The following MYO9A variants were observed in gnomAD, a reference collection of about 807,000 sequenced individuals.
MYO9A encodes unconventional myosin-IXa.
In MYO9A, 103 loss-of-function variants were observed where a neutral mutation model predicts 293.3. The observed-to-expected ratio is 0.35, with a 90% confidence interval of 0.30 to 0.41. The LOEUF (loss-of-function observed/expected upper bound fraction) is 0.41, where lower values mean the gene tolerates loss of function less well. Ranked by LOEUF, MYO9A falls within the 10% of genes least tolerant of loss-of-function variation. MYO9A has a pLI of 1.00. For missense variants in MYO9A, 2,685 were observed against 3,033.0 expected, an observed-to-expected ratio of 0.89 and a Z score of 2.69; for synonymous variants, 1,001 against 1,035.7, an observed-to-expected ratio of 0.97 and a Z score of 0.64.
intron 1 of MYO9A, among the ~76,000 whole-genome samples, chr15:72,065,794 A>C (rs2079005237): frequency 6.6e-6 from 1 of 152,198 alleles, no homozygotes; most frequent in Non-Finnish European, 1.5e-5. Context: ...AAAAGACTTA[A>C]ACAGATTATT....
At chr15:71,938,737 TA>T (rs887467124) in intron 16 of MYO9A, 114 bp downstream of exon 16, 4 of 867,160 alleles carry the variant, frequency 4.6e-6, no homozygotes, top group African/African-American at 1.7e-5. Context: ...ATTCAAGAAA[TA>T]AAAAAACAAA....
chr15:72,117,603 G>T (rs892571499), intron 1 of MYO9A, 77 bp downstream of exon 1: 60 of 389,798 alleles, frequency 1.5e-4, no homozygotes, highest in Non-Finnish European at 2.4e-4. Flanking sequence ...GGGGCGGCCC[G>T]ACCGGAGCCA....
In MYO9A at chr15:72,007,925, T is replaced by C. The variant is rs1214292500; in HGVS notation, c.1281A>G (p.Leu427=). The C allele has an allele frequency of 1.9e-6, 3 of 1,612,820 alleles. No homozygotes were observed. The highest frequency in any genetic ancestry group is 1.7e-5 in the Admixed American group (1 of 59,878). Residue 427 remains leucine, a synonymous_variant, in exon 8 of 42, where the codon CTA becomes CTG. Coordinates refer to ENST00000356056, the MANE Select transcript of MYO9A (RefSeq NM_006901.4). ...TTTTGTAACAGATATTACCCAAATG[T>C]AGTATGGCTGAGAGAAGAGAGAAAA... ...RQIFSLLSAI[L]HLGNICYKKK...
At chr15:72,080,553 G>A (rs2150361488) in intron 1 of MYO9A, among the ~76,000 whole-genome samples, 1 of 151,882 alleles carries the variant, frequency 6.6e-6, no homozygotes, top group East Asian at 1.9e-4. Context: ...GATCCTCCCA[G>A]TAAGCTACTT....
chr15:72,042,397 G>C (rs2078254709), intron 2 of MYO9A, among the ~76,000 whole-genome samples: 1 of 151,862 alleles, frequency 6.6e-6, no homozygotes, highest in Non-Finnish European at 1.5e-5. Flanking sequence ...CATTAACAAA[G>C]TTTAAAATAT....
chr15:71,903,149 T>C lies in MYO9A; in HGVS notation c.2878-86A>G, dbSNP rs968877582. 6 of 1,162,204 alleles carry C rather than the reference T, an allele frequency of 5.2e-6. No homozygotes were observed. The Admixed American group carries it at 7.6e-5, about 15-fold the overall frequency. 72.0% of individuals were successfully genotyped at this position (1,162,204 alleles called of 1,614,324 possible). A position where few individuals can be genotyped will look rare whatever the true frequency, so the allele number is the denominator to read the frequency against. On this transcript the variant is annotated intron_variant, in intron 21 of 41. Transcript: ENST00000356056. ...AACTAATTATCATTCTATTAATCTT[T>C]TCTCTTTCTTTTAAACAGGGTGAAA...
chr15:71,852,354 T>C, intron 35 of MYO9A, 94 bp from the exon 36 acceptor site: 1 of 1,156,580 alleles, frequency 8.6e-7, no homozygotes, highest in Non-Finnish European at 1.2e-6. Context: ...AAGGAAGGCT[T>C]CATGTTTCTT....
rs116083708 is a variant in MYO9A, at chr15:71,951,636, T to A, written c.2302+141A>T. 40 of 884,738 alleles carry A rather than the reference T, an allele frequency of 4.5e-5. No homozygotes were observed. In the African/African-American group the frequency reaches 5.3e-4, roughly 12 times the overall value. The allele number at this position is 884,738 out of a possible 1,614,324, so 54.8% of individuals were successfully genotyped here. ...TCAAAAGAAAGTACTAAAGACTCAA[T>A]AGAAATATTCAAAGACTGCTCAGAG... On this transcript the variant is annotated intron_variant, in intron 15 of 41. Coordinates refer to ENST00000356056, the MANE Select transcript of MYO9A (RefSeq NM_006901.4).
At chr15:71,956,563 T>G (rs1417688741) in intron 14 of MYO9A, among the ~76,000 whole-genome samples, 1 of 149,814 alleles carries the variant, frequency 6.7e-6, no homozygotes, top group Non-Finnish European at 1.5e-5. Flanking sequence ...AGAGAATCGC[T>G]TGAACCTGGG....
At chr15:71,970,934 G>A (rs911815994) in intron 12 of MYO9A, among the ~76,000 whole-genome samples, 20 of 151,870 alleles carry the variant, frequency 1.3e-4, no homozygotes, top group Non-Finnish European at 2.8e-4. Context: ...TGAGGCGGGT[G>A]GATCACAAGG....
rs1430486879 is a variant in MYO9A at position 71,921,297 on chromosome 15, C to G, written c.2563-4805G>C. 5.3e-5 allele frequency among the ~76,000 whole-genome samples: 8 copies of G among 152,206 alleles called. No homozygotes were observed. In the East Asian group the frequency reaches 1.5e-3, roughly 29 times the overall value. The stretch of plus-strand genomic sequence containing the variant: ...GCTTGTCTGAAGCAAACTAGGCTAA[C>G]TTGTTATCCAAAAGGGAAGAGCTGT... On this transcript the variant is annotated intron_variant, in intron 18 of 41. Coordinates refer to ENST00000356056, the MANE Select transcript of MYO9A (RefSeq NM_006901.4).
chr15:71,916,779 A>G (rs1327595460), intron 18 of MYO9A, among the ~76,000 whole-genome samples: 1 of 152,246 alleles, frequency 6.6e-6, no homozygotes, highest in Non-Finnish European at 1.5e-5. Context: ...GGAAGGTATA[A>G]CTGAGGCAGA....
chr15:72,104,404 G>T (rs1027274984), intron 1 of MYO9A, among the ~76,000 whole-genome samples: 1 of 152,204 alleles, frequency 6.6e-6, no homozygotes, highest in African/African-American at 2.4e-5. Context: ...GTATATGAAT[G>T]AAAAGGAAAA....
intron 11 of MYO9A, among the ~76,000 whole-genome samples, chr15:71,981,285 C>A (rs1596318213): frequency 6.6e-6 from 1 of 152,248 alleles, no homozygotes; most frequent in East Asian, 1.9e-4. Context: ...TCATTGTTAT[C>A]CTGGCCCCCT....
At chr15:71,978,315 TAACAA>T in intron 11 of MYO9A, 23 bp from the exon 12 acceptor site, 1 of 1,582,970 alleles carries the variant, frequency 6.3e-7, no homozygotes, top group Non-Finnish European at 8.6e-7. Context: ...AAAAATAAAA[TAACAA>T]TTTATTCATC....
chr15:71,898,795 C>G lies in MYO9A; in HGVS notation c.3708G>C (p.Glu1236Asp), dbSNP rs751730522. The G allele has an allele frequency of 1.9e-6, 3 of 1,614,176 alleles. No individual in the cohort carries two copies. The highest frequency in any genetic ancestry group is 2.5e-6 in the Non-Finnish European group (3 of 1,180,038). ...CCACACCACTCTGGCTTTGGGCTCT[C>G]TCCTGCTGCTTGTTTGGTGACTCCT... The part of the protein sequence containing the change: ...CLKESPNKQQ[E>D]RAQSQSGVDL... Residue 1236 changes from glutamate (E) to aspartate (D), a missense_variant, in exon 25 of 42, where the codon GAG becomes GAC. Transcript: ENST00000356056.
rs375590608 is a variant in MYO9A, at chr15:71,901,159, C to T, written c.3150+32G>A. On this transcript the variant is annotated intron_variant, in intron 23 of 41. Coordinates refer to ENST00000356056, the MANE Select transcript of MYO9A (RefSeq NM_006901.4). ...CTAAACAAAGGCCAAATAAACTAGT[C>T]AATCTCATGCAAAGAATCCTTTGCT... The T allele has an allele frequency of 2.0e-5, 31 of 1,589,110 alleles. No homozygotes were observed. In the Admixed American group the frequency reaches 4.2e-4, roughly 21 times the overall value.
At position 72,051,065 on chromosome 15, in the gene MYO9A, A is replaced by T. The variant is rs1054503956; in HGVS notation, c.-71-4431T>A. Among the ~76,000 whole-genome samples, 4 of 151,782 alleles carry T rather than the reference A, an allele frequency of 2.6e-5. No homozygotes were observed. The East Asian group carries it at 5.8e-4, about 22-fold the overall frequency. ...TGTTGTTGTTTTGTTTTGTTTTTGT[A>T]TTTGTTTTTGTTTTATAGAGCCAGG... On this transcript the variant is annotated intron_variant, in intron 1 of 41. Coordinates refer to ENST00000356056, the MANE Select transcript of MYO9A (RefSeq NM_006901.4).
At position 71,991,122 on chromosome 15, in the gene MYO9A, T is replaced by C. The variant is rs538398064; in HGVS notation, c.1703A>G (p.His568Arg). Residue 568 changes from histidine to arginine, a missense_variant, in exon 11 of 42, where the codon CAT (histidine) becomes CGT (arginine). By Grantham distance (29) the His-to-Arg change is conservative. This residue lies in a region of MYO9A where 201 missense variants were observed against 245.2 expected (regional missense o/e 0.82). Transcript: ENST00000356056. ...ACTCACTTGTTCCAATTTAAAGATA[T>C]GCTGATTAAAGTAGTGCTGTAAACG... ...NERLQHYFNQ[H>R]IFKLEQEEYR... The C allele has an allele frequency of 8.0e-5, 128 of 1,602,778 alleles. No homozygotes were observed. The South Asian group carries it at 1.3e-3, about 16-fold the overall frequency.
Sources: allele counts gnomAD v4.1 joint callset (sites outside exome capture counted in the v4.1 genomes callset), GRCh38; gene constraint gnomAD v4.1.1; regional missense constraint gnomAD v4.1.1; transcripts MANE v1.5; gene names NCBI Gene and HGNC (gene_info 2026-07-23, HGNC 2026-07-21).